TDRD1: variants seen among roughly 807,000 people sequenced by gnomAD.
TDRD1 encodes tudor domain containing 1.
A neutral mutation model predicts 140.6 loss-of-function variants in TDRD1; 37 were observed. That is an observed-to-expected ratio of 0.26 (90% CI 0.20 to 0.35). The LOEUF (loss-of-function observed/expected upper bound fraction) is 0.35. Among genes scored for constraint, TDRD1 ranks in the 10% least tolerant of loss-of-function variants. The pLI is 1.00. For missense variants in TDRD1, 1,243 were observed against 1,393.0 expected (o/e 0.89, Z 1.71); for synonymous variants, 506 against 475.7 (o/e 1.06, Z -0.83).
At chr10:114,218,742 C>A (rs928085278) in intron 18 of TDRD1, among the ~76,000 whole-genome samples, 158 bp downstream of exon 18, 4 of 152,156 alleles carry the variant, frequency 2.6e-5, no homozygotes, top group African/African-American at 9.7e-5. Context: ...CCAAAAACGT[C>A]CAGTGTTGTC....
At chr10:114,228,569 A>G (rs2036575922) in intron 25 of TDRD1, 3 of 984,912 alleles carry the variant, frequency 3.0e-6, no homozygotes, top group South Asian at 9.4e-5. Flanking sequence ...AAGTGGATCT[A>G]AAGGGCCAAG....
chr10:114,195,905 A>T (rs1773817490), intron 3 of TDRD1, among the ~76,000 whole-genome samples: 1 of 152,088 alleles, frequency 6.6e-6, no homozygotes. Flanking sequence ...GTATCTTTGT[A>T]TACCTTTTCC....
chr10:114,225,435 C>T (rs1196798801), intron 21 of TDRD1, among the ~76,000 whole-genome samples: 1 of 152,118 alleles, frequency 6.6e-6, no homozygotes, highest in Non-Finnish European at 1.5e-5. Context: ...TTCTTGGCTT[C>T]CCCACTGCCA....
intron 16 of TDRD1, among the ~76,000 whole-genome samples, chr10:114,216,653 T>A (rs1200993832): frequency 2.0e-5 from 3 of 151,588 alleles, no homozygotes; most frequent in Non-Finnish European, 4.4e-5. Context: ...TGGGACAAGT[T>A]GCTAAAATTG....
At chr10:114,224,068 T>C (rs1418169609) in intron 21 of TDRD1, among the ~76,000 whole-genome samples, 2 of 152,196 alleles carry the variant, frequency 1.3e-5, no homozygotes, top group Admixed American at 1.3e-4. Flanking sequence ...CCCTTTTGAT[T>C]TACTCCAGTA....
Position 114,227,235 on chromosome 10 carries a change from T to C in TDRD1, c.3339T>C (p.Asp1113=). The change falls in exon 23 of 26, where the codon GAT becomes GAC. Residue 1113 remains aspartate, a synonymous_variant. Coordinates refer to ENST00000251864, the Ensembl canonical transcript of TDRD1. ...AGAATGGGACTGTCGATGTAGCTGA[T>C]AAGCTAGTGACATTTGGTCTGGCAA... 2 of 1,614,230 alleles carry C rather than the reference T, an allele frequency of 1.2e-6. 1 individual carries two copies. Among genetic ancestry groups the C allele is most frequent in the South Asian group, 2.2e-5 (2 of 91,086 alleles).
intron 3 of TDRD1, among the ~76,000 whole-genome samples, chr10:114,194,641 T>C (rs2034209315): frequency 6.6e-6 from 1 of 152,036 alleles, no homozygotes; most frequent in African/African-American, 2.4e-5. Context: ...TTTTTCCTGT[T>C]TTTTAAATTA....
chr10:114,182,703 T>G (rs2033178094), intron 1 of TDRD1, among the ~76,000 whole-genome samples: 1 of 151,986 alleles, frequency 6.6e-6, no homozygotes, highest in African/African-American at 2.4e-5. Flanking sequence ...TTTTTTTTTT[T>G]TTGAGACAGT....
chr10:114,221,221 A>G (rs763892608), intron 19 of TDRD1, 136 bp from the exon 20 acceptor site: 31 of 970,996 alleles, frequency 3.2e-5, no homozygotes, highest in Non-Finnish European at 4.4e-5. Flanking sequence ...GTGAAAAAAT[A>G]CAGATTTTTA....
chr10:114,206,181 G>C (rs900909911), intron 10 of TDRD1, 63 bp from the exon 11 acceptor site: 1 of 1,238,708 alleles, frequency 8.1e-7, no homozygotes, highest in Admixed American at 1.8e-5. Flanking sequence ...TCTTCTTTAC[G>C]CTTTTCCCAT....
At chr10:114,181,522 T>C (rs528457697) in intron 1 of TDRD1, among the ~76,000 whole-genome samples, 1 of 152,246 alleles carries the variant, frequency 6.6e-6, no homozygotes, top group South Asian at 2.1e-4. Context: ...ATGAACCAAG[T>C]AGGAATAGAT....
exon 23 of TDRD1, chr10:114,227,218 A>T (rs1313757587): frequency 6.2e-7 from 1 of 1,614,190 alleles, no homozygotes; most frequent in East Asian, 2.2e-5. Flanking sequence ...TGAGAATGGG[A>T]CTGTCGATGT....
Position 114,189,670 on chromosome 10 carries a change from C to T in TDRD1, c.326-1291C>T, listed in dbSNP as rs149657105. On this transcript the variant is annotated intron_variant, in intron 2 of 25. Coordinates refer to ENST00000251864, the Ensembl canonical transcript of TDRD1. The stretch of plus-strand genomic sequence containing the variant: ...GCAATGGCACAATCATGGCTTACTA[C>T]GGCCTCAAACCCCTGGGCACAAACG... Among the ~76,000 whole-genome samples, 853 of 152,294 alleles carry T rather than the reference C, an allele frequency of 5.6e-3. 13 individuals carry two copies. The highest frequency in any genetic ancestry group is 0.019 in the African/African-American group (807 of 41,564).
exon 10 of TDRD1, chr10:114,204,835 C>T (rs772197336): frequency 8.8e-6 from 14 of 1,597,096 alleles, no homozygotes; most frequent in Middle Eastern, 3.3e-4. Flanking sequence ...TAAAGATTGT[C>T]GACATCTTGG....
chr10:114,216,440 C>T (rs957592809), intron 16 of TDRD1, among the ~76,000 whole-genome samples: 1 of 152,106 alleles, frequency 6.6e-6, no homozygotes, highest in African/African-American at 2.4e-5. Context: ...TTGATCTTAA[C>T]TTTTCCAAAT....
exon 9 of TDRD1, chr10:114,204,192 G>A (rs748311172): frequency 1.4e-5 from 23 of 1,593,418 alleles, no homozygotes; most frequent in Non-Finnish European, 1.2e-5. Flanking sequence ...ACCTCAACAG[G>A]AACATTGACT....
intron 17 of TDRD1, among the ~76,000 whole-genome samples, chr10:114,218,094 C>T (rs182094216): frequency 7.9e-5 from 12 of 152,320 alleles, no homozygotes; most frequent in African/African-American, 2.9e-4. Context: ...GAGTATTATA[C>T]ATCTCCAAAA....
At chr10:114,180,558 C>T (rs1398676919) in intron 1 of TDRD1, among the ~76,000 whole-genome samples, 2 of 152,126 alleles carry the variant, frequency 1.3e-5, no homozygotes, top group African/African-American at 2.4e-5. Flanking sequence ...CTCCGCCTCC[C>T]GGGTTCAAGC....
chr10:114,228,884 A>AG, intron 25 of TDRD1: 1 of 611,148 alleles, frequency 1.6e-6, no homozygotes, highest in Non-Finnish European at 2.0e-6. Flanking sequence ...AGGCGTTCGA[A>AG]GTCAGCCTGG....
Sources: gnomAD v4.1 joint callset for allele counts (sites outside exome capture counted in the v4.1 genomes callset) on GRCh38, gnomAD v4.1.1 for gene constraint, MANE v1.5 for transcripts, NCBI Gene and HGNC (gene_info 2026-07-23, HGNC 2026-07-21) for gene names.